Variants in GTF2H1 observed in about 807,000 individuals in gnomAD.
GTF2H1 encodes general transcription factor IIH subunit 1, also known as BTF2 p62.
Under a neutral mutation model 71.2 loss-of-function variants are expected in GTF2H1, and 16 were observed. That is an observed-to-expected ratio of 0.22 (90% CI 0.15 to 0.34). GTF2H1 has a LOEUF of 0.34. Ranked by LOEUF, GTF2H1 falls within the 10% of genes least tolerant of loss-of-function variation. The pLI, the probability that GTF2H1 is intolerant of heterozygous loss-of-function variation, is 1.00. For synonymous variants in GTF2H1, 215 were observed against 219.0 expected, an observed-to-expected ratio of 0.98 and a Z score of 0.16; for missense variants, 498 against 648.2, an observed-to-expected ratio of 0.77 and a Z score of 2.52.
At chr11:18,334,348 C>CCA (rs954653677) in intron 2 of GTF2H1, among the ~76,000 whole-genome samples, 2 of 152,292 alleles carry the variant, frequency 1.3e-5, no homozygotes, top group African/African-American at 4.8e-5. Context: ...CCACTGCACT[C>CCA]CAGTCTGGGT....
intron 1 of GTF2H1, among the ~76,000 whole-genome samples, chr11:18,323,251 A>G (rs536198683): frequency 1.4e-4 from 21 of 152,148 alleles, no homozygotes; most frequent in Non-Finnish European, 2.4e-4. Context: ...ATTATTTTGT[A>G]AATCCCCCAG....
intron 2 of GTF2H1, 59 bp from the exon 3 acceptor site, chr11:18,335,695 G>A: frequency 8.1e-7 from 1 of 1,237,452 alleles, no homozygotes; most frequent in Non-Finnish European, 1.2e-6. Flanking sequence ...GTAACTTACT[G>A]TATGGTTATT....
At chr11:18,341,645 C>A in intron 7 of GTF2H1, 38 bp downstream of exon 7, 1 of 1,297,850 alleles carries the variant, frequency 7.7e-7, no homozygotes, top group East Asian at 2.3e-5. Context: ...AGAAAAGAGT[C>A]TTTTCCTAGT....
At chr11:18,329,758 C>CT (rs1174779400) in intron 1 of GTF2H1, among the ~76,000 whole-genome samples, 2 of 152,206 alleles carry the variant, frequency 1.3e-5, no homozygotes, top group South Asian at 2.1e-4. Context: ...TTTCCCTTTA[C>CT]TTTCTCTGTA....
At chr11:18,358,154 T>C in intron 12 of GTF2H1, 112 bp downstream of exon 12, 1 of 706,600 alleles carries the variant, frequency 1.4e-6, no homozygotes, top group Non-Finnish European at 2.5e-6. Flanking sequence ...CTGGGATTTC[T>C]ATTTTGTAGA....
chr11:18,330,657 C>T (rs192007044), intron 1 of GTF2H1, among the ~76,000 whole-genome samples: 126 of 152,256 alleles, frequency 8.3e-4, no homozygotes, highest in Middle Eastern at 3.4e-3. Context: ...TTTTTGCTTT[C>T]CCCTGCTCCC....
At chr11:18,356,403 G>T (rs979443590) in intron 11 of GTF2H1, among the ~76,000 whole-genome samples, 2 of 151,652 alleles carry the variant, frequency 1.3e-5, no homozygotes, top group Non-Finnish European at 2.9e-5. Context: ...AAAAAATCTG[G>T]GCACTAGGTA....
chr11:18,344,689 A>G (rs1450306041), intron 7 of GTF2H1, among the ~76,000 whole-genome samples: 2 of 151,692 alleles, frequency 1.3e-5, no homozygotes, highest in African/African-American at 4.8e-5. Context: ...TCTCTTCATT[A>G]TCTTCTCATT....
At chr11:18,354,041 T>A (rs1865485482) in intron 11 of GTF2H1, among the ~76,000 whole-genome samples, 1 of 152,228 alleles carries the variant, frequency 6.6e-6, no homozygotes, top group Non-Finnish European at 1.5e-5. Flanking sequence ...ATTTCTCATG[T>A]GTTTTTAGTC....
At position 18,335,899 on chromosome 11, in the gene GTF2H1, G is replaced by A. The variant is rs748783910; in HGVS notation, c.300G>A (p.Leu100=). 8.1e-6 allele frequency: 13 copies of A among 1,614,152 alleles called. No individual in the cohort carries two copies. The South Asian group carries it at 1.4e-4, about 18-fold the overall frequency. ...TAAAAGACCTTCTTCAGCAGCTGCT[G>A]CCCAAATTCAAGAGGAAAGCAAATA... is the stretch of plus-strand genomic sequence containing the variant. ...DAVKDLLQQL[L]PKFKRKANKE... Residue 100 remains leucine (L), a synonymous_variant, in exon 3 of 15, where the codon CTG becomes CTA. Transcript: ENST00000265963.
chr11:18,332,063 T>C (rs1374473808), intron 1 of GTF2H1, among the ~76,000 whole-genome samples: 2 of 139,982 alleles, frequency 1.4e-5, no homozygotes, highest in African/African-American at 5.4e-5. Context: ...TGGGCTCAAG[T>C]GATACCTCCT....
At chr11:18,343,288 A>G (rs191742498) in intron 7 of GTF2H1, among the ~76,000 whole-genome samples, 62 of 152,252 alleles carry the variant, frequency 4.1e-4, no homozygotes, top group Non-Finnish European at 7.8e-4. Context: ...GCCTTATAGG[A>G]TTTCTATGAG....
intron 7 of GTF2H1, among the ~76,000 whole-genome samples, chr11:18,346,733 C>CTTTTTTTTTTTTTTTTTTTTTTT (rs35494754): frequency 7.0e-5 from 6 of 85,216 alleles, no homozygotes; most frequent in African/African-American, 9.7e-5. Context: ...TTTTTATTTA[C>CTTTTTTTTTTTTTTTTTTTTTTT]TTTTTTTTTT....
chr11:18,333,415 G>T, intron 2 of GTF2H1, 187 bp downstream of exon 2: 1 of 427,476 alleles, frequency 2.3e-6, no homozygotes, highest in East Asian at 3.8e-5. Context: ...AACAGGTACA[G>T]GTTTACATAT....
At chr11:18,365,670 G>A in intron 14 of GTF2H1, 113 bp from the exon 15 acceptor site, 3 of 703,484 alleles carry the variant, frequency 4.3e-6, no homozygotes, top group Non-Finnish European at 7.8e-6. Context: ...ATTGACTGGG[G>A]AAATACAGAG....
At chr11:18,354,083 G>T (rs928529173) in intron 11 of GTF2H1, among the ~76,000 whole-genome samples, 3 of 152,102 alleles carry the variant, frequency 2.0e-5, no homozygotes, top group African/African-American at 7.2e-5. Flanking sequence ...GTCAATCTTT[G>T]TCTTTTCATA....
chr11:18,349,166 G>T (rs947229468), intron 9 of GTF2H1, among the ~76,000 whole-genome samples: 1 of 152,070 alleles, frequency 6.6e-6, no homozygotes, highest in African/African-American at 2.4e-5. Context: ...AAGTGCTGGG[G>T]TTACAGGCAT....
intron 13 of GTF2H1, among the ~76,000 whole-genome samples, chr11:18,359,415 TC>T (rs1865645072): frequency 6.6e-6 from 1 of 152,218 alleles, no homozygotes; most frequent in Non-Finnish European, 1.5e-5. Context: ...AATATTTTTT[TC>T]ACCTACTAAT....
chr11:18,323,371 A>G (rs1471569875), intron 1 of GTF2H1, among the ~76,000 whole-genome samples: 1 of 151,974 alleles, frequency 6.6e-6, no homozygotes, highest in Non-Finnish European at 1.5e-5. Context: ...ATAATAGCTC[A>G]CTGTAACCTC....
Sources: allele counts gnomAD v4.1 joint callset (sites outside exome capture counted in the v4.1 genomes callset), GRCh38; gene constraint gnomAD v4.1.1; transcripts MANE v1.5; gene names NCBI Gene and HGNC (gene_info 2026-07-23, HGNC 2026-07-21).